Variants in MACROD2 observed in about 807,000 individuals in gnomAD.
The protein encoded by MACROD2 is ADP-ribose glycohydrolase MACROD2.
Under a neutral mutation model 70.4 loss-of-function variants are expected in MACROD2, and 36 were observed. That is an observed-to-expected ratio of 0.51 (90% CI 0.39 to 0.68). MACROD2 has a LOEUF of 0.68. Ranked by LOEUF, MACROD2 falls within the 30% of genes least tolerant of loss-of-function variation. The probability of loss-of-function intolerance (pLI) is 0.00; values close to 1 mark genes in which losing one functional copy is unlikely to be tolerated. For synonymous variants in MACROD2, 172 were observed against 178.8 expected (o/e 0.96, Z 0.30); for missense variants, 496 against 538.4 (o/e 0.92, Z 0.78).
rs550481534 is a variant in MACROD2 at position 14,054,299 on chromosome 20, G to A, written c.164-31322G>A. Among the ~76,000 whole-genome samples, 5 of 151,950 alleles carry A rather than the reference G, an allele frequency of 3.3e-5. No individual in the cohort carries two copies. The South Asian group carries it at 1.0e-3, about 32-fold the overall frequency. On this transcript the variant is annotated intron_variant, in intron 2 of 17. Coordinates refer to ENST00000684519, the MANE Select transcript of MACROD2 (RefSeq NM_001351661.2). ...TAGCAAGATGTATAAGGATGAGGAG[G>A]AATTCCAAAAGCAGGTGGATGGGGG...
intron 5 of MACROD2, among the ~76,000 whole-genome samples, chr20:15,116,490 A>G (rs2075992657): frequency 6.6e-6 from 1 of 152,056 alleles, no homozygotes. Context: ...TAAAAATACA[A>G]AAAAATTAGC....
intron 5 of MACROD2, among the ~76,000 whole-genome samples, chr20:14,767,583 C>T (rs1393037306): frequency 2.0e-5 from 3 of 151,996 alleles, no homozygotes; most frequent in African/African-American, 7.3e-5. Flanking sequence ...TACTGAGCCT[C>T]AGTTTCTTCT....
intron 7 of MACROD2, among the ~76,000 whole-genome samples, chr20:15,491,614 G>A (rs771949804): frequency 6.6e-6 from 1 of 152,252 alleles, no homozygotes; most frequent in Non-Finnish European, 1.5e-5. Flanking sequence ...ACACACCTCA[G>A]CATTATCCCC....
chr20:15,726,996 C>A (rs993470436), intron 8 of MACROD2, among the ~76,000 whole-genome samples: 4 of 152,058 alleles, frequency 2.6e-5, no homozygotes, highest in African/African-American at 7.2e-5. Flanking sequence ...TGTCATGAAA[C>A]CTTTGTCAGG....
At chr20:15,534,091 C>T (rs2146552656) in intron 8 of MACROD2, among the ~76,000 whole-genome samples, 1 of 152,262 alleles carries the variant, frequency 6.6e-6, no homozygotes, top group South Asian at 2.1e-4. Context: ...GATTCAAACT[C>T]AGGTCTGTCA....
Position 14,835,489 on chromosome 20 carries a change from G to A in MACROD2, c.418+150530G>A, listed in dbSNP as rs374047680. ...TCAGCCATTAGGAAATTGATATTAAGTTGGGACATTCAGTCCTTGGTCTAC... is the reference window on the plus strand; with the variant it reads ...TCAGCCATTAGGAAATTGATATTAAATTGGGACATTCAGTCCTTGGTCTAC... On this transcript the variant is annotated intron_variant, in intron 5 of 17. Transcript: ENST00000684519. Among the ~76,000 whole-genome samples, 5 of 152,164 alleles carry A rather than the reference G, an allele frequency of 3.3e-5. 1 individual carries two copies. In the South Asian group the frequency reaches 1.0e-3, roughly 32 times the overall value.
intron 3 of MACROD2, among the ~76,000 whole-genome samples, chr20:14,222,601 T>C (rs1392721822): frequency 6.6e-6 from 1 of 152,150 alleles, no homozygotes; most frequent in Non-Finnish European, 1.5e-5. Flanking sequence ...TCCATGTATA[T>C]AATAAAATTG....
At chr20:16,042,143 G>C (rs1468418024) in intron 16 of MACROD2, among the ~76,000 whole-genome samples, 3 of 151,974 alleles carry the variant, frequency 2.0e-5, no homozygotes, top group Admixed American at 1.3e-4. Flanking sequence ...CCTATACCAG[G>C]TATTCCTTGT....
intron 5 of MACROD2, among the ~76,000 whole-genome samples, chr20:15,089,134 G>C (rs959013421): frequency 4.6e-5 from 7 of 152,092 alleles, no homozygotes; most frequent in African/African-American, 1.4e-4. Flanking sequence ...ATTAGCTTAA[G>C]TAAAATGCAA....
intron 4 of MACROD2, among the ~76,000 whole-genome samples, chr20:14,597,844 G>A (rs1982244366): frequency 6.6e-6 from 1 of 151,896 alleles, no homozygotes; most frequent in South Asian, 2.1e-4. Context: ...AATATATATT[G>A]ACATGAACAT....
intron 3 of MACROD2, among the ~76,000 whole-genome samples, chr20:14,198,135 TGAGA>T (rs1457071902): frequency 6.7e-6 from 1 of 149,888 alleles, no homozygotes; most frequent in Non-Finnish European, 1.5e-5. Context: ...TGTGTGTGCG[TGAGA>T]GAGAGAGGGG....
intron 3 of MACROD2, among the ~76,000 whole-genome samples, chr20:14,198,682 C>T (rs892860736): frequency 2.6e-5 from 4 of 152,158 alleles, no homozygotes; most frequent in African/African-American, 7.2e-5. Flanking sequence ...AATAATCAAT[C>T]TCTCTCCCTT....
At chr20:14,715,244 T>A (rs2071384433) in intron 5 of MACROD2, among the ~76,000 whole-genome samples, 1 of 152,090 alleles carries the variant, frequency 6.6e-6, no homozygotes, top group Admixed American at 6.6e-5. Context: ...ACTATCACAA[T>A]AATAGCATGC....
intron 3 of MACROD2, among the ~76,000 whole-genome samples, chr20:14,440,000 C>T: frequency 6.6e-6 from 1 of 152,132 alleles, no homozygotes; most frequent in East Asian, 1.9e-4. Flanking sequence ...AGTAATCCCA[C>T]ATCCCGTAGG....
At chr20:14,191,161 C>T (rs575160398) in intron 3 of MACROD2, among the ~76,000 whole-genome samples, 22 of 152,060 alleles carry the variant, frequency 1.4e-4, no homozygotes, top group Non-Finnish European at 2.9e-4. Context: ...GGCTCTTGTG[C>T]CTCCATACCT....
At chr20:15,638,488 C>G (rs1296309738) in intron 8 of MACROD2, among the ~76,000 whole-genome samples, 1 of 152,164 alleles carries the variant, frequency 6.6e-6, no homozygotes, top group East Asian at 1.9e-4. Flanking sequence ...CTGAATGTGT[C>G]AGAAAAGAAC....
At chr20:14,300,164 GA>G (rs2082462341) in intron 3 of MACROD2, among the ~76,000 whole-genome samples, 1 of 152,202 alleles carries the variant, frequency 6.6e-6, no homozygotes, top group African/African-American at 2.4e-5. Flanking sequence ...ATTTCACCTA[GA>G]AGTAAAACTT....
At chr20:16,000,764 T>C (rs1461867772) in intron 15 of MACROD2, among the ~76,000 whole-genome samples, 2 of 152,306 alleles carry the variant, frequency 1.3e-5, no homozygotes, top group East Asian at 3.9e-4. Context: ...GAAAGACCAT[T>C]TCAGTGACAG....
intron 3 of MACROD2, among the ~76,000 whole-genome samples, chr20:14,230,647 ATATATATAACACAGGCTGGGCC>A (rs2081796203): frequency 4.7e-5 from 1 of 21,330 alleles, no homozygotes; most frequent in African/African-American, 1.8e-4. Context: ...ATATATATAT[ATATATATAACACAGGCTGGGCC>A]TATATATATA....
Sources: gnomAD v4.1 joint callset for allele counts (sites outside exome capture counted in the v4.1 genomes callset) on GRCh38, gnomAD v4.1.1 for gene constraint, MANE v1.5 for transcripts, NCBI Gene and HGNC (gene_info 2026-07-23, HGNC 2026-07-21) for gene names.